The following HMBOX1 variants were observed in gnomAD, a reference collection of about 807,000 sequenced individuals.
The protein encoded by HMBOX1 is homeobox containing 1.
In HMBOX1, 14 loss-of-function variants were observed where a neutral mutation model predicts 54.5. The observed-to-expected ratio is 0.26, with a 90% confidence interval of 0.17 to 0.40. The LOEUF is 0.40. HMBOX1 is among the 10% of genes least tolerant of loss of function. HMBOX1 has a pLI of 1.00. For missense variants in HMBOX1, 332 were observed against 514.4 expected (o/e 0.65, Z 3.43); for synonymous variants, 160 against 181.0 (o/e 0.88, Z 0.93).
At chr8:29,014,193 G>GT (rs953338492) in intron 5 of HMBOX1, among the ~76,000 whole-genome samples, 60 of 149,558 alleles carry the variant, frequency 4.0e-4, no homozygotes, top group Middle Eastern at 3.5e-3. Context: ...AGAGTTTTGG[G>GT]TTTTTTTTTT....
intron 1 of HMBOX1, among the ~76,000 whole-genome samples, chr8:28,918,940 C>A (rs1333845015): frequency 1.3e-5 from 2 of 152,128 alleles, no homozygotes; most frequent in Non-Finnish European, 2.9e-5. Flanking sequence ...ATCCAAATAA[C>A]TATAGCAACT....
intron 4 of HMBOX1, among the ~76,000 whole-genome samples, chr8:29,000,238 A>G (rs1010914148): frequency 5.9e-5 from 9 of 152,224 alleles, no homozygotes; most frequent in African/African-American, 2.2e-4. Flanking sequence ...TGTATTGGGC[A>G]TACCTTTAAT....
chr8:28,955,396 A>G (rs1488478950), intron 1 of HMBOX1, among the ~76,000 whole-genome samples: 2 of 152,136 alleles, frequency 1.3e-5, no homozygotes, highest in African/African-American at 2.4e-5. Context: ...GTGCATATGT[A>G]TGTCTGCCTT....
At chr8:28,941,264 A>G (rs1265035289) in intron 1 of HMBOX1, among the ~76,000 whole-genome samples, 1 of 152,200 alleles carries the variant, frequency 6.6e-6, no homozygotes, top group African/African-American at 2.4e-5. Flanking sequence ...TGGAATAGGA[A>G]AACATCAGTT....
At chr8:28,920,395 T>C (rs1207158678) in intron 1 of HMBOX1, among the ~76,000 whole-genome samples, 1 of 152,196 alleles carries the variant, frequency 6.6e-6, no homozygotes, top group Non-Finnish European at 1.5e-5. Flanking sequence ...CCCTAGGCAG[T>C]ATTTGCCTGA....
chr8:28,965,955 A>G (rs1301428334), intron 2 of HMBOX1, among the ~76,000 whole-genome samples: 3 of 152,152 alleles, frequency 2.0e-5, no homozygotes, highest in African/African-American at 7.2e-5. Flanking sequence ...ATGCAAAACA[A>G]AACTAACCTA....
intron 1 of HMBOX1, among the ~76,000 whole-genome samples, chr8:28,908,787 A>G (rs773290006): frequency 1.6e-4 from 24 of 152,104 alleles, no homozygotes; most frequent in Non-Finnish European, 3.2e-4. Context: ...TGGGTTATAT[A>G]GAAGGACTTA....
intron 4 of HMBOX1, among the ~76,000 whole-genome samples, chr8:28,987,295 A>G (rs1830308859): frequency 6.6e-6 from 1 of 152,152 alleles, no homozygotes; most frequent in African/African-American, 2.4e-5. Flanking sequence ...CTGTACTTAG[A>G]TACAATGTTT....
Position 29,051,089 on chromosome 8 carries a change from C to T in HMBOX1, c.1197C>T (p.His399=), listed in dbSNP as rs1201098285. 9 of 1,613,680 alleles carry T rather than the reference C, an allele frequency of 5.6e-6. No individual in the cohort carries two copies. The highest frequency in any genetic ancestry group is 1.7e-4 in the Middle Eastern group (1 of 6,060). Reference sequence around the variant, plus strand: ...CTGTGGAAATGGCAGCAGTCAACCACACTATCTTGGCATTGGCCCGACAAG... The same window carrying T: ...CTGTGGAAATGGCAGCAGTCAACCATACTATCTTGGCATTGGCCCGACAAG... ...SLAVEMAAVN[H]TILALARQGA... Residue 399 remains histidine (H), a synonymous_variant, in exon 10 of 10, where the codon CAC becomes CAT. Coordinates refer to ENST00000287701, the MANE Select transcript of HMBOX1 (RefSeq NM_001135726.3).
At chr8:29,009,501 A>G in intron 5 of HMBOX1, 1 of 932,506 alleles carries the variant, frequency 1.1e-6, no homozygotes, top group Non-Finnish European at 1.3e-6. Flanking sequence ...TCAACTACAT[A>G]ACTACGTAAG....
intron 1 of HMBOX1, among the ~76,000 whole-genome samples, chr8:28,939,441 T>C (rs1301840590): frequency 2.6e-5 from 4 of 152,214 alleles, no homozygotes; most frequent in Admixed American, 6.5e-5. Context: ...TCTTTGATGC[T>C]CTGAAATAGT....
At chr8:28,915,493 C>T (rs1487257285) in intron 1 of HMBOX1, 1 of 145,488 alleles carries the variant, frequency 6.9e-6, no homozygotes, top group East Asian at 2.1e-4. Context: ...GGAGGTGGAG[C>T]TTGCAGTGAG....
chr8:29,003,776 T>C (rs958471251), intron 4 of HMBOX1, among the ~76,000 whole-genome samples: 2 of 151,824 alleles, frequency 1.3e-5, no homozygotes, highest in African/African-American at 4.8e-5. Flanking sequence ...ATAATTCTGC[T>C]TGCACTGTGG....
chr8:28,959,726 A>G (rs1288321956), intron 1 of HMBOX1, among the ~76,000 whole-genome samples: 2 of 152,168 alleles, frequency 1.3e-5, no homozygotes, highest in Non-Finnish European at 2.9e-5. Context: ...ATAGTTTAGT[A>G]TTATTAGAAT....
At chr8:29,018,697 T>C in intron 5 of HMBOX1, 63 bp from the exon 6 acceptor site, 1 of 1,520,348 alleles carries the variant, frequency 6.6e-7, no homozygotes, top group Non-Finnish European at 9.0e-7. Flanking sequence ...CCATAGGAAG[T>C]AGATGTTATA....
chr8:28,897,015 G>A (rs1812264925), intron 1 of HMBOX1, among the ~76,000 whole-genome samples: 1 of 140,542 alleles, frequency 7.1e-6, no homozygotes, highest in Admixed American at 7.5e-5. Context: ...ATGGAGTTTC[G>A]CTCTTGTTAC....
intron 7 of HMBOX1, 90 bp from the exon 8 acceptor site, chr8:29,047,268 A>G: frequency 1.3e-6 from 1 of 789,300 alleles, no homozygotes; most frequent in Non-Finnish European, 2.2e-6. Flanking sequence ...CGTAATCAAA[A>G]GCAACAAAAT....
At chr8:28,954,746 C>T (rs532113933) in intron 1 of HMBOX1, among the ~76,000 whole-genome samples, 4 of 152,246 alleles carry the variant, frequency 2.6e-5, no homozygotes, top group African/African-American at 9.6e-5. Flanking sequence ...GATGTACTTA[C>T]ACGTGTACAA....
chr8:28,964,881 A>G (rs571011423), intron 2 of HMBOX1, among the ~76,000 whole-genome samples: 2 of 152,262 alleles, frequency 1.3e-5, no homozygotes, highest in South Asian at 4.1e-4. Flanking sequence ...TTTTAAAAAA[A>G]TTTATTTGCT....
Sources: gnomAD v4.1 joint callset for allele counts (sites outside exome capture counted in the v4.1 genomes callset) on GRCh38, gnomAD v4.1.1 for gene constraint, MANE v1.5 for transcripts, NCBI Gene and HGNC (gene_info 2026-07-23, HGNC 2026-07-21) for gene names.